Variants in MCCC1 observed in about 807,000 individuals in gnomAD.
MCCC1 encodes the protein methylcrotonoyl-CoA carboxylase subunit alpha, mitochondrial.
In MCCC1, 64 loss-of-function variants were observed where a neutral mutation model predicts 83.8. The ratio of observed to expected loss-of-function variants is 0.76; its 90% confidence interval spans 0.62 to 0.94. The LOEUF is 0.94. Ranked by LOEUF, MCCC1 falls within the 40% of genes least tolerant of loss-of-function variation. MCCC1 has a pLI of 0.00. For synonymous variants in MCCC1, 322 were observed against 315.4 expected, an observed-to-expected ratio of 1.02 and a Z score of -0.22; for missense variants, 807 against 904.7, an observed-to-expected ratio of 0.89 and a Z score of 1.39.
In MCCC1 at chr3:183,015,545, C is replaced by G. The variant is rs1711547079; in HGVS notation, c.2071G>C (p.Asp691His). The G allele has an allele frequency of 6.2e-7, 1 of 1,614,140 alleles. No homozygotes were observed. The highest frequency in any genetic ancestry group is 8.5e-7 in the Non-Finnish European group (1 of 1,180,014). Residue 691 changes from aspartate (D) to histidine (H), a missense_variant, in exon 19 of 19, where the codon GAT (aspartate) becomes CAT (histidine). Physicochemically the swap from Asp to His is moderately conservative, Grantham distance 81. Transcript: ENST00000265594. Reference protein sequence around the residue: ...KMEHTIKSPKDGTVKKVFYRE... With the variant: ...KMEHTIKSPKHGTVKKVFYRE... ...TAGAACACTTTCTTTACTGTGCCATCCTTTGGAGACTTTATGGTATGCTGC... is the reference window on the plus strand; with the variant it reads ...TAGAACACTTTCTTTACTGTGCCATGCTTTGGAGACTTTATGGTATGCTGC...
rs140957052 is a variant in MCCC1 at position 183,039,225 on chromosome 3, G to A, written c.1268-90C>T. 26,007 of 1,188,000 alleles carry A rather than the reference G, an allele frequency of 0.022. 376 individuals are homozygous for A. The highest frequency in any genetic ancestry group is 0.052 in the Middle Eastern group (276 of 5,300). 73.6% of individuals were successfully genotyped at this position (1,188,000 alleles called of 1,614,324 possible). On this transcript the variant is annotated intron_variant, in intron 11 of 18. Coordinates refer to ENST00000265594, the MANE Select transcript of MCCC1 (RefSeq NM_020166.5). Reference sequence around the variant, plus strand: ...AGACATTTTGTTATGTACATTTCACGCTTAATCCTCATAAACCCCTGCATG... The same window carrying A: ...AGACATTTTGTTATGTACATTTCACACTTAATCCTCATAAACCCCTGCATG...
chr3:183,109,063 C>G (rs1577385217), intron 1 of MCCC1, among the ~76,000 whole-genome samples: 1 of 152,270 alleles, frequency 6.6e-6, no homozygotes, highest in Admixed American at 6.5e-5. Context: ...GCGATCTCGG[C>G]TCACTACAAC....
At chr3:183,098,035 C>A (rs896493515) in intron 1 of MCCC1, among the ~76,000 whole-genome samples, 1 of 152,228 alleles carries the variant, frequency 6.6e-6, no homozygotes, top group Non-Finnish European at 1.5e-5. Context: ...CTGCCTCAGC[C>A]TCCCGAGTAG....
chr3:183,115,980 G>A (rs1179557032), exon 1 of MCCC1: 4 of 152,298 alleles, frequency 2.6e-5, no homozygotes, highest in African/African-American at 9.6e-5. Flanking sequence ...GTGGGCTCGA[G>A]CAAGCAGTTG....
At chr3:183,021,161 A>G (rs1243024637) in intron 16 of MCCC1, among the ~76,000 whole-genome samples, 2 of 152,224 alleles carry the variant, frequency 1.3e-5, no homozygotes, top group African/African-American at 4.8e-5. Context: ...TCAGTATGCT[A>G]GGAACTGTCT....
chr3:183,043,519 C>T (rs1299093697), intron 10 of MCCC1, among the ~76,000 whole-genome samples: 1 of 152,248 alleles, frequency 6.6e-6, no homozygotes, highest in Non-Finnish European at 1.5e-5. Context: ...AGGACACTTA[C>T]ATCAGTCATC....
chr3:183,111,868 A>G (rs1005682617), intron 1 of MCCC1, among the ~76,000 whole-genome samples: 1 of 152,180 alleles, frequency 6.6e-6, no homozygotes, highest in African/African-American at 2.4e-5. Flanking sequence ...TTATCTTATA[A>G]TTATCCTATG....
chr3:183,032,709 C>T (rs1713180333), intron 14 of MCCC1, among the ~76,000 whole-genome samples: 1 of 152,010 alleles, frequency 6.6e-6, no homozygotes, highest in Non-Finnish European at 1.5e-5. Flanking sequence ...CCTGTCTCTA[C>T]TAAAAATACA....
At chr3:183,073,191 C>G (rs1354771005) in intron 4 of MCCC1, among the ~76,000 whole-genome samples, 1 of 151,972 alleles carries the variant, frequency 6.6e-6, no homozygotes, top group Non-Finnish European at 1.5e-5. Context: ...TAGCTGTATA[C>G]CAAAAGTGGA....
intron 1 of MCCC1, among the ~76,000 whole-genome samples, chr3:183,114,447 A>G (rs1277870769): frequency 6.6e-6 from 1 of 152,172 alleles, no homozygotes; most frequent in Non-Finnish European, 1.5e-5. Flanking sequence ...GCTCGGGTAC[A>G]ACATGGGATC....
At position 183,072,481 on chromosome 3, in the gene MCCC1, G is replaced by A; in HGVS notation, c.376C>T (p.His126Tyr). ...VAKTSAAQAI[H>Y]PGCGFLSENM... ...TCTGAGAGAAAACCGCATCCTGGAT[G>A]GATAGCCTAGAAATGAGAAATAAAA... Residue 126 changes from histidine to tyrosine, a missense_variant, in exon 5 of 19, where the codon CAT becomes TAT. By Grantham distance (83) the His-to-Tyr change is moderately conservative. Coordinates refer to ENST00000265594, the MANE Select transcript of MCCC1 (RefSeq NM_020166.5). 6.2e-7 allele frequency: 1 copy of A among 1,613,760 alleles called. No homozygotes were observed. Among genetic ancestry groups the A allele is most frequent in the Non-Finnish European group, 8.5e-7 (1 of 1,179,800 alleles).
chr3:183,107,026 T>A (rs1440386477), intron 1 of MCCC1, among the ~76,000 whole-genome samples: 1 of 152,176 alleles, frequency 6.6e-6, no homozygotes, highest in East Asian at 1.9e-4. Flanking sequence ...CACAGAATAT[T>A]TTTGAAGATT....
intron 10 of MCCC1, among the ~76,000 whole-genome samples, chr3:183,042,927 C>T (rs997655649): frequency 5.3e-5 from 8 of 152,212 alleles, no homozygotes; most frequent in South Asian, 2.1e-4. Flanking sequence ...ACTATAAAGA[C>T]GCATGCATGT....
upstream of MCCC1, among the ~76,000 whole-genome samples, chr3:183,102,600 A>G (rs1053160560): frequency 1.3e-5 from 2 of 151,990 alleles, no homozygotes; most frequent in East Asian, 3.9e-4. Flanking sequence ...TCAAGAAGTG[A>G]TTGGGACCAG....
At chr3:183,017,550 A>C in intron 17 of MCCC1, 1 of 563,858 alleles carries the variant, frequency 1.8e-6, no homozygotes, top group South Asian at 2.1e-5. Context: ...CTTACAGAGC[A>C]GAAGTAGAGC....
Position 183,020,206 on chromosome 3 carries a change from G to T in MCCC1, c.1901C>A (p.Pro634His). ...TGAGCTCACAGAAGATAAGTATTTG[G>T]GGACTGGAATGTCAATCTCAATACT... is the stretch of plus-strand genomic sequence containing the variant. ...EGSIEIDIPV[P>H]KYLSSVSSQE... Residue 634 changes from proline to histidine, a missense_variant, in exon 17 of 19, where the codon CCC (proline) becomes CAC (histidine). By Grantham distance (77) the Pro-to-His change is moderately conservative. Coordinates refer to ENST00000265594, the MANE Select transcript of MCCC1 (RefSeq NM_020166.5). 2 of 1,613,986 alleles carry T rather than the reference G, an allele frequency of 1.2e-6. No individual in the cohort carries two copies. The highest frequency in any genetic ancestry group is 1.7e-6 in the Non-Finnish European group (2 of 1,179,934).
At position 183,092,879 on chromosome 3, in the gene MCCC1, GTATT is replaced by G. The variant is rs199645427; in HGVS notation, c.137-338_137-335del. ...TCATCATTAATAACTACTCTTTTAT[GTATT>G]TATTTATTTACTTATTTATTTATTT... is the stretch of plus-strand genomic sequence containing the variant. On this transcript the variant is annotated intron_variant, in intron 2 of 18. Transcript: ENST00000265594. Among the ~76,000 whole-genome samples the G allele has an allele frequency of 9.8e-3, 1,496 of 152,086 alleles. 19 individuals carry two copies. Among genetic ancestry groups the G allele is most frequent in the African/African-American group, 0.034 (1,392 of 41,502 alleles).
chr3:183,049,570 C>CAA (rs757859179), intron 9 of MCCC1, among the ~76,000 whole-genome samples: 2 of 73,204 alleles, frequency 2.7e-5, no homozygotes, highest in African/African-American at 5.1e-5. Context: ...GACTTTGTTT[C>CAA]AAAAAAAAAA....
At chr3:183,050,422 G>C (rs1255422233) in intron 9 of MCCC1, among the ~76,000 whole-genome samples, 2 of 151,988 alleles carry the variant, frequency 1.3e-5, no homozygotes, top group East Asian at 3.9e-4. Context: ...AGGAAAGTCG[G>C]CCGGGCGCGG....
Sources: allele counts gnomAD v4.1 joint callset (sites outside exome capture counted in the v4.1 genomes callset), GRCh38; gene constraint gnomAD v4.1.1; transcripts MANE v1.5; gene names NCBI Gene and HGNC (gene_info 2026-07-23, HGNC 2026-07-21).